CD247: variants seen among roughly 807,000 people sequenced by gnomAD.
The protein encoded by CD247 is CD247 molecule.
Under a neutral mutation model 30.0 loss-of-function variants are expected in CD247, and 13 were observed. The ratio of observed to expected loss-of-function variants is 0.43; its 90% confidence interval spans 0.28 to 0.69. The LOEUF is 0.69. CD247 is among the 30% of genes least tolerant of loss of function. The probability of loss-of-function intolerance (pLI) is 0.16; values close to 1 mark genes in which losing one functional copy is unlikely to be tolerated. For synonymous variants in CD247, 72 were observed against 80.0 expected, an observed-to-expected ratio of 0.90 and a Z score of 0.53; for missense variants, 193 against 212.6, an observed-to-expected ratio of 0.91 and a Z score of 0.57.
At chr1:167,499,627 G>T (rs704853) in intron 1 of CD247, among the ~76,000 whole-genome samples, 21,753 of 152,060 alleles carry the variant, frequency 0.14, 1,778 homozygotes, top group African/African-American at 0.22. Context: ...ATGAAAAGTA[G>T]GCGTAATAAT....
intron 1 of CD247, among the ~76,000 whole-genome samples, chr1:167,463,819 T>C (rs1723016): frequency 0.3 from 46,047 of 152,212 alleles, 7,744 homozygotes; most frequent in Middle Eastern, 0.43. Flanking sequence ...GCGATTCATT[T>C]GGCTAATGAA....
chr1:167,458,196 G>A (rs556941484), intron 1 of CD247, among the ~76,000 whole-genome samples: 47 of 152,366 alleles, frequency 3.1e-4, no homozygotes, highest in African/African-American at 1.1e-3. Flanking sequence ...TGGTCATCAG[G>A]AGAAAGCTAC....
chr1:167,481,250 G>A (rs1653962303), intron 1 of CD247, among the ~76,000 whole-genome samples: 2 of 152,156 alleles, frequency 1.3e-5, no homozygotes, highest in Admixed American at 6.5e-5. Flanking sequence ...TCACGCCACT[G>A]CACCCCAGGC....
chr1:167,459,318 A>G (rs1003111780), intron 1 of CD247, among the ~76,000 whole-genome samples: 2 of 148,156 alleles, frequency 1.3e-5, no homozygotes, highest in African/African-American at 4.9e-5. Flanking sequence ...CAAGAAATAC[A>G]CTACTTTCTC....
intron 1 of CD247, among the ~76,000 whole-genome samples, chr1:167,505,603 C>G (rs902816040): frequency 3.3e-5 from 5 of 152,248 alleles, no homozygotes; most frequent in African/African-American, 1.2e-4. Flanking sequence ...GCCTGTTGCC[C>G]AGCAGGTAGG....
rs1651661028 is a variant in CD247 at position 167,438,590 on chromosome 1, G to T, written c.280C>A (p.Pro94Thr). ...DVLDKRRGRD[P>T]EMGGKPQRRK... ...CCTACCGGCTTTCCCCCCATCTCAGGGTCCCGGCCACGTCTCTTGTCCAAA... is the reference window on the plus strand; with the variant it reads ...CCTACCGGCTTTCCCCCCATCTCAGTGTCCCGGCCACGTCTCTTGTCCAAA... Residue 94 changes from proline to threonine, a missense_variant, in exon 4 of 8, where the codon CCT (proline) becomes ACT (threonine). Physicochemically the swap from Pro to Thr is conservative, Grantham distance 38 (BLOSUM62 -1). Coordinates refer to ENST00000362089, the MANE Select transcript of CD247 (RefSeq NM_198053.3). The T allele has an allele frequency of 6.2e-7, 1 of 1,613,880 alleles. No individual in the cohort carries two copies.
chr1:167,488,575 A>G (rs1654310504), intron 1 of CD247, among the ~76,000 whole-genome samples: 1 of 152,188 alleles, frequency 6.6e-6, no homozygotes, highest in Non-Finnish European at 1.5e-5. Flanking sequence ...CTGATCAGAC[A>G]CTGAGGGGAA....
intron 1 of CD247, among the ~76,000 whole-genome samples, chr1:167,487,096 C>T (rs988847314): frequency 2.9e-5 from 4 of 139,140 alleles, no homozygotes; most frequent in East Asian, 2.1e-4. Flanking sequence ...AGGAAGAAAA[C>T]GGCCGGGTGT....
rs1435867941 is a variant in CD247 at position 167,441,697 on chromosome 1, A to C, written c.59-930T>G. Among the ~76,000 whole-genome samples the C allele has an allele frequency of 2.0e-5, 3 of 152,028 alleles. No homozygotes were observed. In the East Asian group the frequency reaches 5.8e-4, roughly 29 times the overall value. On this transcript the variant is annotated intron_variant, in intron 1 of 7. Transcript: ENST00000362089. ...ACTGCAAATTTCCCAGGGGCCCCTA[A>C]CTCCTAGTGCCATATTAACCTTTGT...
intron 1 of CD247, among the ~76,000 whole-genome samples, chr1:167,461,501 C>G (rs917906414): frequency 6.6e-6 from 1 of 152,230 alleles, no homozygotes; most frequent in African/African-American, 2.4e-5. Context: ...TTTCTTTATG[C>G]TTTCCCTTAT....
intron 1 of CD247, among the ~76,000 whole-genome samples, chr1:167,442,304 T>C (rs1164859723): frequency 6.6e-6 from 1 of 151,946 alleles, no homozygotes; most frequent in Non-Finnish European, 1.5e-5. Context: ...CCAGCCCCGC[T>C]AGTGTCTGTC....
intron 1 of CD247, among the ~76,000 whole-genome samples, chr1:167,465,587 T>C (rs1341745602): frequency 6.6e-6 from 1 of 152,160 alleles, no homozygotes; most frequent in Non-Finnish European, 1.5e-5. Flanking sequence ...TGCCTAGGCC[T>C]CCAAAAGTTC....
intron 1 of CD247, among the ~76,000 whole-genome samples, chr1:167,479,310 T>G (rs1331593783): frequency 6.6e-6 from 1 of 152,254 alleles, no homozygotes; most frequent in African/African-American, 2.4e-5. Flanking sequence ...AAATTACATG[T>G]GCATTACTTT....
chr1:167,447,768 T>C (rs1005966665), intron 1 of CD247, among the ~76,000 whole-genome samples: 1 of 152,162 alleles, frequency 6.6e-6, no homozygotes, highest in Admixed American at 6.5e-5. Context: ...TGAATCACAG[T>C]AGCTCATGAT....
chr1:167,490,152 C>T (rs545290394), intron 1 of CD247, among the ~76,000 whole-genome samples: 1 of 152,258 alleles, frequency 6.6e-6, no homozygotes, highest in African/African-American at 2.4e-5. Context: ...GGACCTACGG[C>T]GGCGGAAAGA....
At chr1:167,472,776 C>T (rs1460073285) in intron 1 of CD247, among the ~76,000 whole-genome samples, 1 of 152,156 alleles carries the variant, frequency 6.6e-6, no homozygotes, top group Non-Finnish European at 1.5e-5. Flanking sequence ...CACAACATTA[C>T]TAATCTTGTG....
At position 167,480,267 on chromosome 1, in the gene CD247, G is replaced by A. The variant is rs114983875; in HGVS notation, c.58+38141C>T. Among the ~76,000 whole-genome samples the A allele has an allele frequency of 5.1e-3, 774 of 152,212 alleles. 8 individuals are homozygous for A. The highest frequency in any genetic ancestry group is 0.017 in the African/African-American group (710 of 41,510). On this transcript the variant is annotated intron_variant, in intron 1 of 7. Coordinates refer to ENST00000362089, the MANE Select transcript of CD247 (RefSeq NM_198053.3). ...AGAGCTGCTGAGGTCTTGGCAGGGC[G>A]ATGAAAATGGGAAACCGTTTAGAAA...
chr1:167,479,562 G>A (rs141474060), intron 1 of CD247, among the ~76,000 whole-genome samples: 3 of 152,174 alleles, frequency 2.0e-5, no homozygotes, highest in Non-Finnish European at 4.4e-5. Flanking sequence ...ATCACCCCAG[G>A]AGTTCAGGTT....
chr1:167,443,953 C>T (rs573133498), intron 1 of CD247, among the ~76,000 whole-genome samples: 12 of 152,128 alleles, frequency 7.9e-5, no homozygotes, highest in Non-Finnish European at 1.6e-4. Context: ...TTCAGTTACG[C>T]AATTAATTAA....
Sources: allele counts gnomAD v4.1 joint callset (sites outside exome capture counted in the v4.1 genomes callset), GRCh38; gene constraint gnomAD v4.1.1; transcripts MANE v1.5; gene names NCBI Gene and HGNC (gene_info 2026-07-23, HGNC 2026-07-21).